The following PTPRH variants were observed in gnomAD, a reference collection of about 807,000 sequenced individuals.
PTPRH encodes receptor-type tyrosine-protein phosphatase H.
Under a neutral mutation model 130.2 loss-of-function variants are expected in PTPRH, and 113 were observed. That is an observed-to-expected ratio of 0.87 (90% CI 0.75 to 1.01). The LOEUF (loss-of-function observed/expected upper bound fraction) is 1.01. Among genes scored for constraint, PTPRH ranks in the 50% least tolerant of loss-of-function variants. The pLI is 0.00. For missense variants in PTPRH, 1,430 were observed against 1,425.0 expected (o/e 1.00, Z -0.06); for synonymous variants, 556 against 577.9 (o/e 0.96, Z 0.54).
intron 10 of PTPRH, among the ~76,000 whole-genome samples, chr19:55,195,111 G>T (rs1010143066): frequency 6.6e-6 from 1 of 152,082 alleles, no homozygotes; most frequent in African/African-American, 2.4e-5. Context: ...GATCACCGGA[G>T]GTCAGGAGTT....
intron 12 of PTPRH, among the ~76,000 whole-genome samples, chr19:55,189,266 G>A (rs542068353): frequency 5.9e-4 from 90 of 152,300 alleles, no homozygotes; most frequent in African/African-American, 1.9e-3. Flanking sequence ...GATTACAGGC[G>A]TGAGCCACCA....
intron 18 of PTPRH, among the ~76,000 whole-genome samples, chr19:55,184,993 A>C (rs567917891): frequency 6.8e-6 from 1 of 147,442 alleles, no homozygotes; most frequent in African/African-American, 2.5e-5. Context: ...TTACCTTTTC[A>C]TCTTTCTTTT....
intron 9 of PTPRH, 90 bp downstream of exon 9, chr19:55,197,027 G>T: frequency 6.8e-7 from 1 of 1,473,672 alleles, no homozygotes; most frequent in South Asian, 1.3e-5. Flanking sequence ...CCTGTGGCCT[G>T]ATGGAATTTG....
At chr19:55,189,601 C>T (rs895630120) in intron 12 of PTPRH, 7 of 439,354 alleles carry the variant, frequency 1.6e-5, no homozygotes, top group African/African-American at 8.1e-5. Context: ...GATGCATGCT[C>T]GGCTCCTCTC....
rs775093325 is a variant in PTPRH, at chr19:55,197,391, C to G, written c.1716G>C (p.Gln572His). ...CTGAGTTCTTAGTCTGAGTTTCATT[C>G]TGGAGATCTGTGACCTCATTGGGAG... ...ATAPNEVTDL[Q>H]NETQTKNSVM... Residue 572 changes from glutamine to histidine, a missense_variant, in exon 9 of 20, where the codon CAG becomes CAC. By Grantham distance (24) the Gln-to-His change is conservative. Transcript: ENST00000376350. 1.2e-6 allele frequency: 2 copies of G among 1,613,410 alleles called. No individual in the cohort carries two copies. The highest frequency in any genetic ancestry group is 1.7e-6 in the Non-Finnish European group (2 of 1,179,308).
At chr19:55,184,458 C>T (rs1261278992) in intron 18 of PTPRH, among the ~76,000 whole-genome samples, 3 of 152,030 alleles carry the variant, frequency 2.0e-5, no homozygotes, top group African/African-American at 4.8e-5. Context: ...TAATAGTTAC[C>T]GTTAGGTGAA....
intron 14 of PTPRH, among the ~76,000 whole-genome samples, chr19:55,187,205 C>T (rs1408006790): frequency 2.7e-5 from 4 of 149,586 alleles, no homozygotes; most frequent in Non-Finnish European, 5.9e-5. Flanking sequence ...ATTAGCCGGG[C>T]GAGGTGGCGG....
intron 12 of PTPRH, among the ~76,000 whole-genome samples, chr19:55,190,533 T>C (rs1292805249): frequency 7.2e-6 from 1 of 138,384 alleles, no homozygotes; most frequent in Non-Finnish European, 1.5e-5. Flanking sequence ...TTATATTGTA[T>C]AATATATATA....
chr19:55,198,585 T>A, intron 8 of PTPRH, 58 bp downstream of exon 8: 4 of 1,484,654 alleles, frequency 2.7e-6, no homozygotes, highest in Non-Finnish European at 3.6e-6. Flanking sequence ...CAAAGTCCTT[T>A]CATCTTTTTC....
chr19:55,197,430 A>G lies in PTPRH; in HGVS notation c.1691-14T>C. ...CCTCATTGGGAGCTGAGAAGTGAGA[A>G]CAGAGGCCTAAGGGGGTATCCTCGA... On this transcript the variant is annotated splice_polypyrimidine_tract_variant and intron_variant, in intron 8 of 19. Transcript: ENST00000376350. 1.2e-6 allele frequency: 2 copies of G among 1,607,324 alleles called. No individual in the cohort carries two copies. The highest frequency in any genetic ancestry group is 1.7e-6 in the Non-Finnish European group (2 of 1,174,854).
At chr19:55,192,022 C>A in intron 10 of PTPRH, 1 of 576,708 alleles carries the variant, frequency 1.7e-6, no homozygotes, top group South Asian at 1.5e-5. Flanking sequence ...TTATGATGAT[C>A]TACTTAATAA....
chr19:55,201,220 AAAAT>A lies in PTPRH; in HGVS notation c.1154-722_1154-719del, dbSNP rs1282259406. Among the ~76,000 whole-genome samples the A allele has an allele frequency of 2.6e-5, 4 of 152,146 alleles. No homozygotes were observed. The East Asian group carries it at 7.8e-4, about 30-fold the overall frequency. On this transcript the variant is annotated intron_variant, in intron 6 of 19. Transcript: ENST00000376350. The stretch of plus-strand genomic sequence containing the variant: ...ACACAGCAAGACCTCATCTCTAAAA[AAAAT>A]AAATTAGTCAGGCATGGTGGCCCAC...
rs1247784616 is a variant in PTPRH, at chr19:55,203,802, T to C, written c.866A>G (p.Glu289Gly). 19 of 1,604,496 alleles carry C rather than the reference T, an allele frequency of 1.2e-5. 1 individual carries two copies. Among genetic ancestry groups the C allele is most frequent in the Admixed American group, 6.7e-5 (4 of 59,768 alleles). The change falls in exon 5 of 20, where the codon GAG becomes GGG. Residue 289 changes from glutamate (E) to glycine (G), a missense_variant. Glu to Gly is a moderately conservative substitution (Grantham distance 98, BLOSUM62 -2). Transcript: ENST00000376350. Reference sequence around the variant, plus strand: ...CTTACCTGTGGCACTAGTGACAATCTCCACAGAGCTATTTACTCCGTCTTT... The same window carrying C: ...CTTACCTGTGGCACTAGTGACAATCCCCACAGAGCTATTTACTCCGTCTTT... Reference protein sequence around the residue: ...VEKDGVNSSVEIVTSATAPNP... With the variant: ...VEKDGVNSSVGIVTSATAPNP...
chr19:55,205,789 A>G (rs1051380716), intron 3 of PTPRH, among the ~76,000 whole-genome samples, 197 bp from the exon 4 acceptor site: 1 of 151,862 alleles, frequency 6.6e-6, no homozygotes, highest in African/African-American at 2.4e-5. Context: ...CCGTTAGTGG[A>G]AGATCCACAC....
chr19:55,193,672 G>A lies in PTPRH; in HGVS notation c.2258-1931C>T, dbSNP rs191548702. 1.2e-4 allele frequency among the ~76,000 whole-genome samples: 18 copies of A among 152,208 alleles called. No homozygotes were observed. In the East Asian group the frequency reaches 2.7e-3, roughly 23 times the overall value. On this transcript the variant is annotated intron_variant, in intron 10 of 19. Transcript: ENST00000376350. ...CCCCACAACAAAGAAGGATCTAGCC[G>A]GAAACGTCTGTAGTGCCGAGGCGGG...
intron 1 of PTPRH, among the ~76,000 whole-genome samples, chr19:55,208,171 G>C (rs888873101): frequency 3.6e-5 from 2 of 55,640 alleles, no homozygotes; most frequent in Non-Finnish European, 6.3e-5. Context: ...TGGGGGTCTC[G>C]ACCTCTGGTT....
chr19:55,204,231 T>C (rs2086971610), intron 4 of PTPRH, among the ~76,000 whole-genome samples, 183 bp from the exon 5 acceptor site: 1 of 151,984 alleles, frequency 6.6e-6, no homozygotes, highest in South Asian at 2.1e-4. Flanking sequence ...GCGATTCTCC[T>C]GCCTCAGCCT....
At chr19:55,189,349 T>C (rs2086456570) in intron 12 of PTPRH, among the ~76,000 whole-genome samples, 1 of 152,200 alleles carries the variant, frequency 6.6e-6, no homozygotes, top group African/African-American at 2.4e-5. Flanking sequence ...TGTTAGACTG[T>C]GTCACTAGCC....
chr19:55,187,875 T>A (rs1308247407), intron 13 of PTPRH, among the ~76,000 whole-genome samples: 1 of 150,874 alleles, frequency 6.6e-6, no homozygotes, highest in Middle Eastern at 3.2e-3. Flanking sequence ...GCAGAGAGAG[T>A]TACTTTAGGA....
Sources: allele counts gnomAD v4.1 joint callset (sites outside exome capture counted in the v4.1 genomes callset), GRCh38; gene constraint gnomAD v4.1.1; transcripts MANE v1.5; gene names NCBI Gene and HGNC (gene_info 2026-07-23, HGNC 2026-07-21).